Variants in SSH3 observed in about 807,000 individuals in gnomAD.
The protein encoded by SSH3 is slingshot protein phosphatase 3, also known as protein phosphatase Slingshot homolog 3.
Under a neutral mutation model 75.0 loss-of-function variants are expected in SSH3, and 67 were observed. That is an observed-to-expected ratio of 0.89 (90% confidence interval 0.73 to 1.10). The LOEUF (loss-of-function observed/expected upper bound fraction) is 1.10, where lower values mean the gene tolerates loss of function less well. SSH3 is among the 50% of genes least tolerant of loss of function. SSH3 has a pLI of 0.00. For missense variants in SSH3, 824 were observed against 872.7 expected (o/e 0.94, Z 0.70); for synonymous variants, 318 against 349.2 (o/e 0.91, Z 1.00).
At position 67,311,684 on chromosome 11, in the gene SSH3, C is replaced by T. The variant is rs368033449; in HGVS notation, c.1777C>T (p.Pro593Ser). 6.2e-7 allele frequency: 1 copy of T among 1,614,098 alleles called. No homozygotes were observed. Among genetic ancestry groups the T allele is most frequent in the East Asian group, 2.2e-5 (1 of 44,878 alleles). The change falls in exon 14 of 14, where the codon CCT becomes TCT. Residue 593 changes from proline to serine, a missense_variant. Coordinates refer to ENST00000308127, the MANE Select transcript of SSH3 (RefSeq NM_017857.4). ...TKGGQQVDRG[P>S]QPALKSRQSV... ...GGGAGGCCAGCAGGTGGACAGGGGG[C>T]CTCAGCCTGCCCTGAAGTCCCGCCA...
In SSH3 at chr11:67,309,821, C is replaced by T. The variant is rs139095852; in HGVS notation, c.1262C>T (p.Ala421Val). Residue 421 changes from alanine (A) to valine (V), a missense_variant, in exon 12 of 14, where the codon GCG becomes GTG. Coordinates refer to ENST00000308127, the MANE Select transcript of SSH3 (RefSeq NM_017857.4). ...TGCAAGATGGGCGTCAGCCGCTCAG[C>T]GGCCACAGTGCTGGCCTATGCCATG... Reference protein sequence around the residue: ...VHCKMGVSRSAATVLAYAMKQ... With the variant: ...VHCKMGVSRSVATVLAYAMKQ... 8.0e-5 allele frequency: 129 copies of T among 1,613,276 alleles called. No homozygotes were observed. The highest frequency in any genetic ancestry group is 1.0e-4 in the Non-Finnish European group (121 of 1,180,054).
rs771914107 is a variant in SSH3 at position 67,307,697 on chromosome 11, G to A, written c.751G>A (p.Asp251Asn). Residue 251 changes from aspartate (D) to asparagine (N), a missense_variant, in exon 7 of 14, where the codon GAC becomes AAC. Asp to Asn is a conservative substitution (Grantham distance 23). Transcript: ENST00000308127. This position sits in a 1 kb window ranked among gnomAD's most constrained non-coding sequence, Gnocchi z 4.2. ...SCLNEWTAMA[D>N]LESLRPPSAE... The stretch of plus-strand genomic sequence containing the variant: ...CCTCAATGAGTGGACGGCTATGGCC[G>A]ACCTGGAGTCTCTGCGGCCTCCCAG... 2.7e-5 allele frequency: 44 copies of A among 1,613,900 alleles called. No individual in the cohort carries two copies. The highest frequency in any genetic ancestry group is 2.3e-5 in the Non-Finnish European group (27 of 1,180,038).
At position 67,308,003 on chromosome 11, in the gene SSH3, A is replaced by T; in HGVS notation, c.885+64A>T. 6.2e-7 allele frequency: 1 copy of T among 1,606,552 alleles called. No homozygotes were observed. The highest frequency in any genetic ancestry group is 8.5e-7 in the Non-Finnish European group (1 of 1,175,852). Reference sequence around the variant, plus strand: ...GGGCTGCAAGCTTGCCTTTCCTGGGAGCCCTCCCCACCTTGCCTGTCTCCA... The same window carrying T: ...GGGCTGCAAGCTTGCCTTTCCTGGGTGCCCTCCCCACCTTGCCTGTCTCCA... On this transcript the variant is annotated intron_variant, in intron 8 of 13. Coordinates refer to ENST00000308127, the MANE Select transcript of SSH3 (RefSeq NM_017857.4). This position sits in a 1 kb window ranked among gnomAD's most constrained non-coding sequence, Gnocchi z 4.9.
Position 67,307,684 on chromosome 11 carries a change from G to A in SSH3, c.738G>A (p.Trp246Ter). Residue 246 changes from tryptophan (W) to a stop codon, truncating the protein, a stop_gained, in exon 7 of 14, where the codon TGG becomes TGA. Coordinates refer to ENST00000308127, the MANE Select transcript of SSH3 (RefSeq NM_017857.4). LOFTEE classifies it high-confidence loss of function. This position sits in a 1 kb window ranked among gnomAD's most constrained non-coding sequence, Gnocchi z 4.2. Reference sequence around the variant, plus strand: ...CCGAACAGAGCTGCCTCAATGAGTGGACGGCTATGGCCGACCTGGAGTCTC... The same window carrying A: ...CCGAACAGAGCTGCCTCAATGAGTGAACGGCTATGGCCGACCTGGAGTCTC... ...LNSEQSCLNEWTAMADLESLR... is the reference protein window; with the variant it reads ...LNSEQSCLNE The A allele has an allele frequency of 6.2e-7, 1 of 1,614,072 alleles. No homozygotes were observed. Among genetic ancestry groups the A allele is most frequent in the Non-Finnish European group, 8.5e-7 (1 of 1,180,036 alleles).
intron 3 of SSH3, among the ~76,000 whole-genome samples, chr11:67,305,332 A>G (rs1271939152): frequency 2.0e-5 from 3 of 150,306 alleles, no homozygotes; most frequent in Non-Finnish European, 4.4e-5. Context: ...GACTACAGGC[A>G]CCCGCCACTA....
intron 3 of SSH3, among the ~76,000 whole-genome samples, chr11:67,306,621 C>T (rs1861252389): frequency 6.6e-6 from 1 of 152,168 alleles, no homozygotes; most frequent in South Asian, 2.1e-4. Flanking sequence ...CAAAAACAAC[C>T]TCCTTCCTCA....
intron 13 of SSH3, 122 bp from the exon 14 acceptor site, chr11:67,311,469 G>T: frequency 2.3e-6 from 3 of 1,289,118 alleles, no homozygotes; most frequent in Non-Finnish European, 3.3e-6. Context: ...CAAACATTCC[G>T]GCCCTCGCCT....
At position 67,307,713 on chromosome 11, in the gene SSH3, G is replaced by A. The variant is rs775533885; in HGVS notation, c.767G>A (p.Arg256Gln). The change falls in exon 7 of 14, where the codon CGG (arginine) becomes CAG (glutamine). Residue 256 changes from arginine (R) to glutamine (Q), a missense_variant. Physicochemically the swap from Arg to Gln is conservative, Grantham distance 43 (BLOSUM62 1). Coordinates refer to ENST00000308127, the MANE Select transcript of SSH3 (RefSeq NM_017857.4). The surrounding 1 kb of genome is among the most constrained non-coding windows in gnomAD (Gnocchi z 4.2). ...WTAMADLESL[R>Q]PPSAEPGGSS... The stretch of plus-strand genomic sequence containing the variant: ...GCTATGGCCGACCTGGAGTCTCTGC[G>A]GCCTCCCAGCGCCGAGCCTGGCGGG... The A allele has an allele frequency of 9.3e-6, 15 of 1,613,858 alleles. No individual in the cohort carries two copies. Among genetic ancestry groups the A allele is most frequent in the African/African-American group, 1.3e-5 (1 of 74,946 alleles).
chr11:67,306,920 A>G lies in SSH3; in HGVS notation c.422A>G (p.Gln141Arg). 1.2e-6 allele frequency: 2 copies of G among 1,613,692 alleles called. No homozygotes were observed. The highest frequency in any genetic ancestry group is 1.7e-6 in the Non-Finnish European group (2 of 1,179,642). The change falls in exon 4 of 14, where the codon CAG becomes CGG. Residue 141 changes from glutamine (Q) to arginine (R), a missense_variant. Physicochemically the swap from Gln to Arg is conservative, Grantham distance 43. Transcript: ENST00000308127. ...ACACGAGAAGGAGAAGGTCTGAGCC[A>G]GGATGAGACGGTCCTCCTGGGCGTG... ...VSTREGEGLSQDETVLLGVDF... is the reference protein window; with the variant it reads ...VSTREGEGLSRDETVLLGVDF...
intron 1 of SSH3, 47 bp downstream of exon 1, chr11:67,303,738 G>T: frequency 7.0e-7 from 1 of 1,425,126 alleles, no homozygotes; most frequent in South Asian, 1.4e-5. Flanking sequence ...TGCTGCCCCG[G>T]CTTGGGAGCG....
intron 13 of SSH3, among the ~76,000 whole-genome samples, chr11:67,310,819 C>G (rs1008352703): frequency 6.6e-6 from 1 of 152,188 alleles, no homozygotes; most frequent in African/African-American, 2.4e-5. Context: ...TCCACAGGCC[C>G]CTGCAGGCCC....
intron 13 of SSH3, 138 bp from the exon 14 acceptor site, chr11:67,311,453 G>A (rs776027975): frequency 7.4e-5 from 83 of 1,129,154 alleles, no homozygotes; most frequent in Non-Finnish European, 9.8e-5. Flanking sequence ...TTTGGCGTGC[G>A]TGCCACAAAC....
In SSH3 at chr11:67,311,830, C is replaced by G. The variant is rs1204538904; in HGVS notation, c.1923C>G (p.Phe641Leu). The G allele has an allele frequency of 1.2e-6, 2 of 1,613,094 alleles. No homozygotes were observed. Among genetic ancestry groups the G allele is most frequent in the Non-Finnish European group, 1.7e-6 (2 of 1,180,000 alleles). ...CCTGCATTTCCTCTACGCCCAGGTT[C>G]CGGAAGGTGGTGAGACAGGCCAGCG... ...GEPCISSTPR[F>L]RKVVRQASVH... is the part of the protein sequence containing the mutation. Residue 641 changes from phenylalanine to leucine, a missense_variant, in exon 14 of 14, where the codon TTC becomes TTG. Coordinates refer to ENST00000308127, the MANE Select transcript of SSH3 (RefSeq NM_017857.4).
At chr11:67,306,990 CAA>C in intron 4 of SSH3, 28 bp downstream of exon 4, 2 of 1,612,560 alleles carry the variant, frequency 1.2e-6, no homozygotes, top group South Asian at 2.2e-5. Context: ...AAAGGAGGGG[CAA>C]AGAGGTGAGG....
intron 1 of SSH3, 186 bp from the exon 2 acceptor site, chr11:67,303,932 G>T: frequency 3.6e-6 from 3 of 844,502 alleles, no homozygotes; most frequent in Non-Finnish European, 5.2e-6. Flanking sequence ...CACACTCGGC[G>T]CCCACCCAGC....
Position 67,307,087 on chromosome 11 carries a change from C to G in SSH3, c.510C>G (p.Asp170Glu). ...TLGLVLPLWS[D>E]TQVYLDGDGG... is the part of the protein sequence containing the mutation. ...GCCTGGTCTTGCCCCTCTGGAGTGA[C>G]ACCCAGGTGTACTTAGATGGAGACG... Residue 170 changes from aspartate (D) to glutamate (E), a missense_variant, in exon 5 of 14, where the codon GAC (aspartate) becomes GAG (glutamate). Coordinates refer to ENST00000308127, the MANE Select transcript of SSH3 (RefSeq NM_017857.4). The surrounding 1 kb of genome is among the most constrained non-coding windows in gnomAD (Gnocchi z 4.2). The G allele has an allele frequency of 6.2e-7, 1 of 1,614,018 alleles. No individual in the cohort carries two copies.
At chr11:67,304,032 G>A in intron 1 of SSH3, 86 bp from the exon 2 acceptor site, 5 of 1,482,508 alleles carry the variant, frequency 3.4e-6, no homozygotes, top group Non-Finnish European at 4.5e-6. Flanking sequence ...GCCTTTTCTG[G>A]CCTCCCCCAA....
rs1437691356 is a variant in SSH3 at position 67,310,338 on chromosome 11, A to G, written c.1682A>G (p.Glu561Gly). Residue 561 changes from glutamate (E) to glycine (G), a missense_variant and splice_region_variant, in exon 13 of 14, where the codon GAG (glutamate) becomes GGG (glycine). Coordinates refer to ENST00000308127, the MANE Select transcript of SSH3 (RefSeq NM_017857.4). ...ACCTCAGAGACCAGTGACATGCCAGAGGTGAGGCTGGGGCTGGGGGAGCTC... is the reference window on the plus strand; with the variant it reads ...ACCTCAGAGACCAGTGACATGCCAGGGGTGAGGCTGGGGCTGGGGGAGCTC... ...ESTSETSDMP[E>G]VFSSHESSHE... is the part of the protein sequence containing the mutation. 6.2e-7 allele frequency: 1 copy of G among 1,603,724 alleles called. No homozygotes were observed. Among genetic ancestry groups the G allele is most frequent in the Admixed American group, 1.7e-5 (1 of 59,304 alleles).
chr11:67,310,152 C>T lies in SSH3; in HGVS notation c.1496C>T (p.Pro499Leu), dbSNP rs1357012864. The T allele has an allele frequency of 6.2e-7, 1 of 1,614,254 alleles. No individual in the cohort carries two copies. The highest frequency in any genetic ancestry group is 1.7e-5 in the Admixed American group (1 of 60,036). The part of the protein sequence containing the change: ...PAPEVSTPFP[P>L]LPPEPEGGGE... ...CCTGAAGTCTCTACACCATTCCCAC[C>T]TCTTCCGCCAGAACCTGAGGGTGGT... is the stretch of plus-strand genomic sequence containing the variant. The change falls in exon 13 of 14, where the codon CCT becomes CTT. Residue 499 changes from proline to leucine, a missense_variant. Physicochemically the swap from Pro to Leu is moderately conservative, Grantham distance 98. Coordinates refer to ENST00000308127, the MANE Select transcript of SSH3 (RefSeq NM_017857.4).
Sources: allele counts gnomAD v4.1 joint callset (sites outside exome capture counted in the v4.1 genomes callset), GRCh38; gene constraint gnomAD v4.1.1; non-coding constraint Gnocchi (gnomAD v3.1); transcripts MANE v1.5; gene names NCBI Gene and HGNC (gene_info 2026-07-23, HGNC 2026-07-21).